The following NUDCD3 variants were observed in gnomAD, a reference collection of about 807,000 sequenced individuals.
The protein encoded by NUDCD3 is NudC domain containing 3.
NUDCD3 carries 13 observed loss-of-function variants against 39.7 expected under a neutral mutation model. That is an observed-to-expected ratio of 0.33 (90% CI 0.21 to 0.52). NUDCD3 has a LOEUF of 0.52. Ranked by LOEUF, NUDCD3 falls within the 20% of genes least tolerant of loss-of-function variation. The pLI is 0.96. For missense variants in NUDCD3, 453 were observed against 458.1 expected (o/e 0.99, Z 0.10); for synonymous variants, 175 against 172.4 (o/e 1.02, Z -0.12).
At chr7:44,390,398 C>T (rs1055577095) in intron 5 of NUDCD3, among the ~76,000 whole-genome samples, 1 of 152,088 alleles carries the variant, frequency 6.6e-6, no homozygotes, top group Admixed American at 6.6e-5. Context: ...ATAAAGTCTA[C>T]AAAAACTTCA....
intron 2 of NUDCD3, among the ~76,000 whole-genome samples, chr7:44,435,799 G>A (rs563826192): frequency 1.3e-5 from 2 of 152,126 alleles, no homozygotes; most frequent in Non-Finnish European, 1.5e-5. Flanking sequence ...CACATGCCAT[G>A]TACCTCCTGA....
At chr7:44,389,256 G>A (rs1283445485) in intron 5 of NUDCD3, among the ~76,000 whole-genome samples, 1 of 148,546 alleles carries the variant, frequency 6.7e-6, no homozygotes, top group Non-Finnish European at 1.5e-5. Context: ...GGCCTGTCCC[G>A]AACTGACAGT....
intron 2 of NUDCD3, among the ~76,000 whole-genome samples, chr7:44,453,359 AT>A (rs1288262034): frequency 1.1e-4 from 17 of 151,064 alleles, no homozygotes; most frequent in African/African-American, 1.7e-4. Flanking sequence ...TCTCAAAAAA[AT>A]AAATAAATAA....
chr7:44,389,381 T>C (rs1798467870), intron 5 of NUDCD3, among the ~76,000 whole-genome samples: 1 of 152,098 alleles, frequency 6.6e-6, no homozygotes, highest in Admixed American at 6.5e-5. Flanking sequence ...CAACAAGCCA[T>C]CAAAATAAGG....
chr7:44,419,338 G>T (rs994359178), intron 3 of NUDCD3, among the ~76,000 whole-genome samples: 4 of 152,192 alleles, frequency 2.6e-5, no homozygotes, highest in Non-Finnish European at 5.9e-5. Flanking sequence ...CCAGTCAGGG[G>T]CTTATAGATA....
intron 2 of NUDCD3, among the ~76,000 whole-genome samples, chr7:44,475,449 T>C (rs1397399771): frequency 6.6e-6 from 1 of 152,164 alleles, no homozygotes; most frequent in Non-Finnish European, 1.5e-5. Context: ...TATTTATGTA[T>C]ATGTTTACAT....
chr7:44,386,007 G>T lies in NUDCD3; in HGVS notation c.*4C>A. 7.1e-7 allele frequency: 1 copy of T among 1,416,760 alleles called. No homozygotes were observed. Among genetic ancestry groups the T allele is most frequent in the Non-Finnish European group, 1.0e-6 (1 of 1,000,078 alleles). 87.8% of individuals were successfully genotyped at this position (1,416,760 alleles called of 1,614,324 possible). A position where few individuals can be genotyped will look rare whatever the true frequency, so the allele number is the denominator to read the frequency against. ...CCGGCGAGGGTTTCCTTTCCTTCTG[G>T]TCATTAAAACTGCACAGCCCCCGGG... On this transcript the variant is annotated 3_prime_UTR_variant, in exon 6 of 6. Transcript: ENST00000355451.
At chr7:44,406,961 T>G (rs1209334274) in intron 3 of NUDCD3, among the ~76,000 whole-genome samples, 3 of 152,136 alleles carry the variant, frequency 2.0e-5, no homozygotes, top group African/African-American at 7.2e-5. Flanking sequence ...ATGTGGGAAC[T>G]GCTGTGGCCC....
intron 2 of NUDCD3, among the ~76,000 whole-genome samples, chr7:44,430,436 T>A (rs778875711): frequency 3.9e-5 from 6 of 152,142 alleles, no homozygotes; most frequent in Non-Finnish European, 8.8e-5. Context: ...AAAAGAACAA[T>A]AGGGTAGCAG....
At chr7:44,421,046 C>G (rs1409560657) in intron 3 of NUDCD3, among the ~76,000 whole-genome samples, 1 of 152,126 alleles carries the variant, frequency 6.6e-6, no homozygotes, top group Admixed American at 6.5e-5. Context: ...TTAAAAGACA[C>G]AGATGGGCCA....
chr7:44,445,811 G>A (rs553755265), intron 2 of NUDCD3, among the ~76,000 whole-genome samples: 54 of 152,332 alleles, frequency 3.5e-4, no homozygotes, highest in Non-Finnish European at 6.6e-4. Context: ...GAGGTTTTAC[G>A]TGTCTGATTT....
At chr7:44,402,757 G>A (rs577090224) in intron 4 of NUDCD3, 1 of 453,110 alleles carries the variant, frequency 2.2e-6, no homozygotes, top group Admixed American at 2.4e-5. Context: ...TTAAGGCAGG[G>A]CTATCACGAC....
intron 2 of NUDCD3, among the ~76,000 whole-genome samples, chr7:44,430,554 C>CCCCACACACACACACT (rs1799339303): frequency 7.1e-6 from 1 of 140,772 alleles, no homozygotes; most frequent in Non-Finnish European, 1.5e-5. Flanking sequence ...AATAAAATAC[C>CCCCACACACACACACT]CACACACACA....
intron 2 of NUDCD3, among the ~76,000 whole-genome samples, chr7:44,435,241 A>C (rs1799442220): frequency 6.6e-6 from 1 of 152,162 alleles, no homozygotes; most frequent in African/African-American, 2.4e-5. Context: ...AGACAATGCT[A>C]ACTCACCAAG....
chr7:44,455,783 T>C (rs1374973374), intron 2 of NUDCD3, among the ~76,000 whole-genome samples: 1 of 151,710 alleles, frequency 6.6e-6, no homozygotes, highest in African/African-American at 2.4e-5. Context: ...ATACAGCACT[T>C]TGGGAGGCCG....
intron 5 of NUDCD3, among the ~76,000 whole-genome samples, chr7:44,391,729 T>G (rs1798519800): frequency 6.6e-6 from 1 of 152,146 alleles, no homozygotes; most frequent in South Asian, 2.1e-4. Context: ...GTTATTAAAA[T>G]AGGAAGAAAG....
At chr7:44,442,299 A>AAGGTTGGGACAGGGAAC (rs1490610376) in intron 2 of NUDCD3, among the ~76,000 whole-genome samples, 2 of 152,246 alleles carry the variant, frequency 1.3e-5, no homozygotes, top group Non-Finnish European at 2.9e-5. Flanking sequence ...AAATCACTGC[A>AAGGTTGGGACAGGGAAC]AGGTTGGGAC....
chr7:44,457,640 A>G (rs1026167599), intron 2 of NUDCD3, among the ~76,000 whole-genome samples: 6 of 152,236 alleles, frequency 3.9e-5, no homozygotes, highest in Admixed American at 3.9e-4. Flanking sequence ...TGTAAATTAT[A>G]TATGTAATAC....
chr7:44,447,016 A>G (rs1799701359), intron 2 of NUDCD3, among the ~76,000 whole-genome samples: 1 of 152,284 alleles, frequency 6.6e-6, no homozygotes, highest in Non-Finnish European at 1.5e-5. Flanking sequence ...CATTTCTCAC[A>G]GAGAACATTT....
Sources: gnomAD v4.1 joint callset for allele counts (sites outside exome capture counted in the v4.1 genomes callset) on GRCh38, gnomAD v4.1.1 for gene constraint, MANE v1.5 for transcripts, NCBI Gene and HGNC (gene_info 2026-07-23, HGNC 2026-07-21) for gene names.